The following ADAMTS14 variants were observed in gnomAD, a reference collection of about 807,000 sequenced individuals.
ADAMTS14 encodes the protein A disintegrin and metalloproteinase with thrombospondin motifs 14.
A neutral mutation model predicts 128.6 loss-of-function variants in ADAMTS14; 100 were observed. The observed-to-expected ratio is 0.78, with a 90% CI of 0.66 to 0.92. The LOEUF (loss-of-function observed/expected upper bound fraction) is 0.92. Among genes scored for constraint, ADAMTS14 ranks in the 40% least tolerant of loss-of-function variants. The pLI, the probability that ADAMTS14 is intolerant of heterozygous loss-of-function variation, is 0.00. For synonymous variants in ADAMTS14, 665 were observed against 653.8 expected, an observed-to-expected ratio of 1.02 and a Z score of -0.26; for missense variants, 1,562 against 1,658.6, an observed-to-expected ratio of 0.94 and a Z score of 1.01.
Position 70,760,611 on chromosome 10 carries a change from C to A in ADAMTS14, c.3430C>A (p.Gln1144Lys). 1 of 1,614,104 alleles carries A rather than the reference C, an allele frequency of 6.2e-7. No homozygotes were observed. The highest frequency in any genetic ancestry group is 1.7e-5 in the Admixed American group (1 of 60,014). The change falls in exon 22 of 22, where the codon CAG becomes AAG. Residue 1144 changes from glutamine (Q) to lysine (K), a missense_variant. Coordinates refer to ENST00000373207, the MANE Select transcript of ADAMTS14 (RefSeq NM_080722.4). ...AAAGCCAACGGGATCAGAGGACCAT[C>A]AGCATGGCCGAGCCACACAGCTCCC... The part of the protein sequence containing the change: ...PGKPTGSEDH[Q>K]HGRATQLPGA...
At chr10:70,719,923 G>A (rs1008764808) in intron 4 of ADAMTS14, among the ~76,000 whole-genome samples, 3 of 152,238 alleles carry the variant, frequency 2.0e-5, no homozygotes, top group African/African-American at 7.2e-5. Context: ...CCTCCACACT[G>A]CCTCTGTTTA....
chr10:70,745,073 C>T (rs763497327), intron 14 of ADAMTS14, among the ~76,000 whole-genome samples, 153 bp from the exon 15 acceptor site: 16 of 152,188 alleles, frequency 1.1e-4, no homozygotes, highest in Admixed American at 2.6e-4. Context: ...GAGAAGGTCT[C>T]ATCCTCAGTT....
chr10:70,685,654 G>A (rs1160520823), intron 2 of ADAMTS14, among the ~76,000 whole-genome samples: 3 of 152,202 alleles, frequency 2.0e-5, no homozygotes, highest in African/African-American at 7.2e-5. Context: ...CTGACTCCCA[G>A]GCAATGTTCC....
intron 4 of ADAMTS14, among the ~76,000 whole-genome samples, chr10:70,718,685 C>CA (rs200746128): frequency 0.1 from 14,024 of 140,766 alleles, 763 homozygotes; most frequent in East Asian, 0.19. Flanking sequence ...GGTGCCCAGC[C>CA]TTTTTTTTTT....
chr10:70,724,758 C>G (rs1234805651), intron 4 of ADAMTS14, among the ~76,000 whole-genome samples: 1 of 151,852 alleles, frequency 6.6e-6, no homozygotes, highest in Admixed American at 6.6e-5. Flanking sequence ...CAACAGGGGA[C>G]TTGGAATGGA....
intron 3 of ADAMTS14, among the ~76,000 whole-genome samples, chr10:70,705,572 TC>T (rs1840639562): frequency 2.6e-5 from 4 of 152,260 alleles, no homozygotes; most frequent in African/African-American, 9.6e-5. Context: ...AAGATTCCCA[TC>T]CGTTAGTTGT....
chr10:70,674,473 C>A (rs1839578904), intron 1 of ADAMTS14, 83 bp from the exon 2 acceptor site: 1 of 1,411,510 alleles, frequency 7.1e-7, no homozygotes, highest in African/African-American at 1.4e-5. Context: ...AGTTCCTATC[C>A]CTCCCTGCCC....
intron 10 of ADAMTS14, among the ~76,000 whole-genome samples, chr10:70,737,286 A>G (rs974586365): frequency 1.3e-5 from 2 of 152,078 alleles, no homozygotes; most frequent in South Asian, 2.1e-4. Context: ...TCCCTCATGC[A>G]TGTGTGGGTG....
intron 4 of ADAMTS14, among the ~76,000 whole-genome samples, chr10:70,709,756 T>C (rs1840784299): frequency 2.0e-5 from 3 of 152,186 alleles, no homozygotes; most frequent in Admixed American, 1.3e-4. Context: ...CGCCTCAGCC[T>C]CCCAAAGTGC....
At chr10:70,732,171 G>T in intron 6 of ADAMTS14, 83 bp from the exon 7 acceptor site, 3 of 1,191,022 alleles carry the variant, frequency 2.5e-6, no homozygotes, top group South Asian at 1.3e-5. Flanking sequence ...TGACCAGAGG[G>T]CTGGGCTGGG....
At chr10:70,694,165 C>A (rs1015944679) in intron 2 of ADAMTS14, among the ~76,000 whole-genome samples, 4 of 152,338 alleles carry the variant, frequency 2.6e-5, no homozygotes, top group African/African-American at 9.6e-5. Context: ...AGGCTTTCAT[C>A]CCAGCCTCGC....
chr10:70,745,031 A>G (rs1842134091), intron 14 of ADAMTS14, among the ~76,000 whole-genome samples, 195 bp from the exon 15 acceptor site: 1 of 152,156 alleles, frequency 6.6e-6, no homozygotes. Flanking sequence ...TTTACAGGAC[A>G]TGTCTCATTC....
chr10:70,749,280 A>G (rs573740750), intron 15 of ADAMTS14, among the ~76,000 whole-genome samples: 25 of 152,256 alleles, frequency 1.6e-4, no homozygotes, highest in African/African-American at 5.3e-4. Flanking sequence ...GGGGATTTCT[A>G]TCATCCTCCT....
At chr10:70,702,223 G>A (rs1419426015) in intron 2 of ADAMTS14, 89 bp from the exon 3 acceptor site, 35 of 1,565,976 alleles carry the variant, frequency 2.2e-5, no homozygotes, top group Non-Finnish European at 2.7e-5. Flanking sequence ...GGTCACATAT[G>A]TGCATTCACA....
At chr10:70,754,907 G>A (rs1048698964) in intron 19 of ADAMTS14, among the ~76,000 whole-genome samples, 6 of 152,180 alleles carry the variant, frequency 3.9e-5, no homozygotes, top group Admixed American at 3.3e-4. Context: ...GGCCACCTTC[G>A]GGAAACTGCC....
intron 2 of ADAMTS14, among the ~76,000 whole-genome samples, chr10:70,693,497 G>A (rs541145259): frequency 2.6e-4 from 39 of 152,228 alleles, no homozygotes; most frequent in African/African-American, 8.2e-4. Flanking sequence ...TGGCATGCTC[G>A]GGACCATCCT....
Position 70,751,609 on chromosome 10 carries a change from C to G in ADAMTS14, c.2559C>G (p.Leu853=). ...LEEMDTYEWA[L]KSWAPCSKAC... The stretch of plus-strand genomic sequence containing the variant: ...AGATGGACACCTATGAGTGGGCGCT[C>G]AAGAGCTGGGCCCCCTGCAGCAAGG... Residue 853 remains leucine, a synonymous_variant, in exon 17 of 22, where the codon CTC becomes CTG. Coordinates refer to ENST00000373207, the MANE Select transcript of ADAMTS14 (RefSeq NM_080722.4). The G allele has an allele frequency of 6.2e-7, 1 of 1,612,602 alleles. No homozygotes were observed. The highest frequency in any genetic ancestry group is 8.5e-7 in the Non-Finnish European group (1 of 1,178,782).
intron 4 of ADAMTS14, among the ~76,000 whole-genome samples, chr10:70,725,991 G>A (rs1841414580): frequency 6.6e-6 from 1 of 152,176 alleles, no homozygotes; most frequent in Admixed American, 6.5e-5. Context: ...GGGGGCCTGA[G>A]CTGCAGAACT....
chr10:70,699,786 C>G (rs12779200), intron 2 of ADAMTS14, among the ~76,000 whole-genome samples: 541 of 152,302 alleles, frequency 3.6e-3, no homozygotes, highest in Non-Finnish European at 6.2e-3. Flanking sequence ...AGGGCCTTGA[C>G]CAGGTGCCTG....
Sources: allele counts gnomAD v4.1 joint callset (sites outside exome capture counted in the v4.1 genomes callset), GRCh38; gene constraint gnomAD v4.1.1; transcripts MANE v1.5; gene names NCBI Gene and HGNC (gene_info 2026-07-23, HGNC 2026-07-21).